ERBB4: variants seen among roughly 807,000 people sequenced by gnomAD.
ERBB4 encodes the protein erb-b2 receptor tyrosine kinase 4.
In ERBB4, 42 loss-of-function variants were observed where a neutral mutation model predicts 158.0. The observed-to-expected ratio is 0.27, with a 90% CI of 0.21 to 0.34. The LOEUF (loss-of-function observed/expected upper bound fraction) is 0.34, where lower values mean the gene tolerates loss of function less well. ERBB4 is among the 10% of genes least tolerant of loss of function. The pLI, the probability that ERBB4 is intolerant of heterozygous loss-of-function variation, is 1.00. For missense variants in ERBB4, 1,333 were observed against 1,624.1 expected (o/e 0.82, Z 3.08); for synonymous variants, 583 against 558.7 (o/e 1.04, Z -0.61).
At chr2:211,384,168 A>C in intron 27 of ERBB4, 108 bp from the exon 28 acceptor site, 1 of 791,620 alleles carries the variant, frequency 1.3e-6, no homozygotes, top group Non-Finnish European at 2.1e-6. Flanking sequence ...AAAAACCCAC[A>C]GATTTGTTTT....
At chr2:211,580,796 A>AT (rs1358950869) in intron 19 of ERBB4, among the ~76,000 whole-genome samples, 1 of 65,902 alleles carries the variant, frequency 1.5e-5, no homozygotes, top group Non-Finnish European at 2.3e-5. Flanking sequence ...TGATATATAT[A>AT]TATATATATA....
intron 1 of ERBB4, among the ~76,000 whole-genome samples, chr2:212,510,049 G>A (rs188652252): frequency 7.3e-5 from 11 of 150,882 alleles, no homozygotes; most frequent in South Asian, 2.1e-4. Context: ...ATTTCAGTTC[G>A]CCTTGCAGTC....
intron 1 of ERBB4, among the ~76,000 whole-genome samples, chr2:212,372,941 A>T (rs10205863): frequency 0.097 from 14,787 of 152,158 alleles, 785 homozygotes; most frequent in Non-Finnish European, 0.11. Flanking sequence ...TATACATAAC[A>T]GGGAAAATTT....
chr2:212,216,827 G>A (rs142259073), intron 1 of ERBB4, among the ~76,000 whole-genome samples: 1,896 of 151,376 alleles, frequency 0.013, 27 homozygotes, highest in African/African-American at 0.043. Flanking sequence ...GCTCTCAACC[G>A]TAATTCCTGG....
intron 1 of ERBB4, among the ~76,000 whole-genome samples, chr2:212,398,974 C>T (rs13387071): frequency 2.1e-3 from 326 of 152,118 alleles, no homozygotes; most frequent in African/African-American, 7.3e-3. Context: ...TACGGAGTCT[C>T]GCTCTGTTGC....
intron 13 of ERBB4, among the ~76,000 whole-genome samples, chr2:211,677,143 T>C (rs2072107837): frequency 6.6e-6 from 1 of 152,206 alleles, no homozygotes; most frequent in Non-Finnish European, 1.5e-5. Flanking sequence ...ATCATTATGA[T>C]CTATATATTT....
intron 3 of ERBB4, among the ~76,000 whole-genome samples, chr2:211,846,751 T>A (rs1465077419): frequency 6.6e-6 from 1 of 152,120 alleles, no homozygotes; most frequent in African/African-American, 2.4e-5. Flanking sequence ...TAGTCTATTT[T>A]TCCCTAATTC....
In ERBB4 at chr2:211,379,458, T is replaced by G. The variant is rs1210379949; in HGVS notation, c.*4157A>C. ...ATGCTTTAAAGCAAGTTTTCCCAAGTGGAACCATATATGCCTACTTTCAGC... is the reference window on the plus strand; with the variant it reads ...ATGCTTTAAAGCAAGTTTTCCCAAGGGGAACCATATATGCCTACTTTCAGC... On this transcript the variant is annotated 3_prime_UTR_variant, in exon 28 of 28. Coordinates refer to ENST00000342788, the MANE Select transcript of ERBB4 (RefSeq NM_005235.3). 4 of 230,176 alleles carry G rather than the reference T, an allele frequency of 1.7e-5. No individual in the cohort carries two copies. Among genetic ancestry groups the G allele is most frequent in the Admixed American group, 5.7e-5 (1 of 17,668 alleles). 14.3% of individuals were successfully genotyped at this position (230,176 alleles called of 1,614,324 possible).
chr2:212,134,410 G>C (rs1667277592), intron 1 of ERBB4, among the ~76,000 whole-genome samples: 3 of 151,612 alleles, frequency 2.0e-5, no homozygotes, highest in Non-Finnish European at 2.9e-5. Flanking sequence ...GGCCAAAAGA[G>C]TTTAAAAATT....
intron 20 of ERBB4, among the ~76,000 whole-genome samples, chr2:211,521,367 T>C (rs2066180909): frequency 6.6e-6 from 1 of 152,138 alleles, no homozygotes; most frequent in Non-Finnish European, 1.5e-5. Flanking sequence ...GACCAAAGCC[T>C]AATCAATAGC....
chr2:211,717,630 G>C (rs1191250116), intron 7 of ERBB4, among the ~76,000 whole-genome samples: 1 of 152,072 alleles, frequency 6.6e-6, no homozygotes, highest in East Asian at 1.9e-4. Context: ...AGGAGTTCAA[G>C]ACAGCCTGGC....
At chr2:211,683,125 T>C (rs922625648) in intron 12 of ERBB4, among the ~76,000 whole-genome samples, 1 of 152,022 alleles carries the variant, frequency 6.6e-6, no homozygotes, top group South Asian at 2.1e-4. Context: ...TATTCTGAAA[T>C]AATTGTATAT....
intron 1 of ERBB4, among the ~76,000 whole-genome samples, chr2:212,466,069 T>A (rs570389126): frequency 6.6e-6 from 1 of 152,230 alleles, no homozygotes; most frequent in Admixed American, 6.5e-5. Context: ...CAAGACACTT[T>A]ACTGTTTTAA....
intron 3 of ERBB4, among the ~76,000 whole-genome samples, chr2:211,886,304 A>T (rs974560181): frequency 1.3e-5 from 2 of 152,280 alleles, no homozygotes; most frequent in Admixed American, 1.3e-4. Context: ...CATAGCTTTT[A>T]TGCCTATCTT....
intron 20 of ERBB4, among the ~76,000 whole-genome samples, chr2:211,472,604 G>A (rs1490969892): frequency 6.6e-6 from 1 of 151,070 alleles, no homozygotes; most frequent in Non-Finnish European, 1.5e-5. Context: ...AACTCCTCAC[G>A]ACGGTAATTT....
chr2:211,723,559 C>A (rs1484753346), intron 6 of ERBB4, among the ~76,000 whole-genome samples: 1 of 152,038 alleles, frequency 6.6e-6, no homozygotes, highest in Non-Finnish European at 1.5e-5. Context: ...ATAAACATGA[C>A]AATTCCCTGA....
intron 1 of ERBB4, among the ~76,000 whole-genome samples, chr2:212,336,022 T>C (rs1322886381): frequency 1.3e-5 from 2 of 151,980 alleles, no homozygotes; most frequent in Non-Finnish European, 2.9e-5. Flanking sequence ...GAAAGGGGAA[T>C]AAAGTATGTA....
rs2062479636 is a variant in ERBB4 at position 211,376,716 on chromosome 2, G to A, written c.*6899C>T. ...TGTATAAGATGAATGTTTGAGAGTA[G>A]ATTTAAGATGACTTTTTTTGTGCTA... On this transcript the variant is annotated 3_prime_UTR_variant, in exon 28 of 28. Coordinates refer to ENST00000342788, the MANE Select transcript of ERBB4 (RefSeq NM_005235.3). 1 of 233,018 alleles carries A rather than the reference G, an allele frequency of 4.3e-6. No individual in the cohort carries two copies. 14.4% of individuals were successfully genotyped at this position (233,018 alleles called of 1,614,324 possible).
chr2:212,373,206 T>C (rs369988040), intron 1 of ERBB4, among the ~76,000 whole-genome samples: 61 of 152,270 alleles, frequency 4.0e-4, no homozygotes, highest in African/African-American at 1.3e-3. Flanking sequence ...AGTAGCATTA[T>C]ATTATCCACA....
Sources: allele counts gnomAD v4.1 joint callset (sites outside exome capture counted in the v4.1 genomes callset), GRCh38; gene constraint gnomAD v4.1.1; transcripts MANE v1.5; gene names NCBI Gene and HGNC (gene_info 2026-07-23, HGNC 2026-07-21).